The following PCDHA9 variants were observed in gnomAD, a reference collection of about 807,000 sequenced individuals.
PCDHA9 encodes the protein protocadherin alpha-9.
A neutral mutation model predicts 62.0 loss-of-function variants in PCDHA9; 62 were observed. The ratio of observed to expected loss-of-function variants is 1.00; its 90% CI spans 0.81 to 1.23. The LOEUF (loss-of-function observed/expected upper bound fraction) is 1.23, where lower values mean the gene tolerates loss of function less well. Among genes scored for constraint, PCDHA9 ranks in the 50% most tolerant of loss-of-function variants. The pLI is 0.00. For missense variants in PCDHA9, 1,205 were observed against 1,249.8 expected (o/e 0.96, Z 0.54); for synonymous variants, 557 against 567.6 (o/e 0.98, Z 0.27).
intron 1 of PCDHA9, chr5:140,928,543 A>G: frequency 6.2e-7 from 1 of 1,614,204 alleles, no homozygotes; most frequent in Non-Finnish European, 8.5e-7. Context: ...TAGGAATGAC[A>G]ATTATCCGGT....
At position 140,852,434 on chromosome 5, in the gene PCDHA9, C is replaced by T. The variant is rs2150516775; in HGVS notation, c.2394+1545C>T. On this transcript the variant is annotated intron_variant, in intron 1 of 3. Transcript: ENST00000532602. ...CTGGGATTATAGGCACATGCCACCG[C>T]GCCCAGCTAATTTTTGTATTTTTAG... 6.7e-4 allele frequency: 121 copies of T among 181,038 alleles called. 6 individuals carry two copies. The highest frequency in any genetic ancestry group is 3.4e-4 in the Admixed American group (5 of 14,894). The allele number at this position is 181,038 out of a possible 1,614,324, so 11.2% of individuals were successfully genotyped here. A position where few individuals can be genotyped will look rare whatever the true frequency, so the allele number is the denominator to read the frequency against.
chr5:140,849,211 C>A lies in PCDHA9; in HGVS notation c.716C>A (p.Ala239Asp). ...LITVLDNNDNAPVFDRTLYTV... is the reference protein window; with the variant it reads ...LITVLDNNDNDPVFDRTLYTV... ...ACGGTACTGGACAACAATGACAATG[C>A]CCCAGTGTTCGACAGAACCCTGTAT... is the stretch of plus-strand genomic sequence containing the variant. Residue 239 changes from alanine (A) to aspartate (D), a missense_variant, in exon 1 of 4, where the codon GCC (alanine) becomes GAC (aspartate). Around this residue, in one of 3 missense-constraint regions of PCDHA9, gnomAD observed 110 missense variants for 227.2 expected, o/e 0.48. Coordinates refer to ENST00000532602, the MANE Select transcript of PCDHA9 (RefSeq NM_031857.2). 1 of 1,031,972 alleles carries A rather than the reference C, an allele frequency of 9.7e-7. No individual in the cohort carries two copies. Among genetic ancestry groups the A allele is most frequent in the East Asian group, 2.6e-5 (1 of 38,420 alleles). The allele number at this position is 1,031,972 out of a possible 1,614,324, so 63.9% of individuals were successfully genotyped here.
chr5:140,985,792 T>G (rs1043772430), intron 3 of PCDHA9, among the ~76,000 whole-genome samples: 1 of 142,326 alleles, frequency 7.0e-6, no homozygotes. Flanking sequence ...CAGGCTGGAG[T>G]GCAGTGGCAC....
At chr5:140,851,713 T>C in intron 1 of PCDHA9, 1 of 961,328 alleles carries the variant, frequency 1.0e-6, no homozygotes, top group Non-Finnish European at 1.3e-6. Context: ...ATGTGAAGAT[T>C]CGAAACTTCG....
rs377069661 is a variant in PCDHA9 at position 140,915,905 on chromosome 5, G to A, written c.2395-63044G>A. ...AGCAAGTTCCCCCTGGCCCTGGGCA[G>A]GCCCAGAGATGCTACTTGGGAGTCA... On this transcript the variant is annotated intron_variant, in intron 1 of 3. Transcript: ENST00000532602. Among the ~76,000 whole-genome samples, 6 of 152,266 alleles carry A rather than the reference G, an allele frequency of 3.9e-5. No individual in the cohort carries two copies. In the East Asian group the frequency reaches 1.2e-3, roughly 29 times the overall value.
intron 3 of PCDHA9, among the ~76,000 whole-genome samples, chr5:140,997,092 A>C (rs2097758868): frequency 6.6e-6 from 1 of 152,160 alleles, no homozygotes; most frequent in South Asian, 2.1e-4. Flanking sequence ...GAAAGTGCAG[A>C]GTTCTCATGC....
chr5:140,855,098 A>G (rs1204884452), intron 1 of PCDHA9, among the ~76,000 whole-genome samples: 1 of 149,990 alleles, frequency 6.7e-6, no homozygotes, highest in African/African-American at 2.4e-5. Flanking sequence ...CCTGTGCAGT[A>G]GCAATAATTA....
At chr5:140,855,964 T>C in intron 1 of PCDHA9, 3 of 1,408,442 alleles carry the variant, frequency 2.1e-6, no homozygotes, top group Admixed American at 2.3e-5. Context: ...AAAAAATAGA[T>C]ATAAGAAATA....
intron 1 of PCDHA9, chr5:140,870,393 T>C (rs1554164195): frequency 1.5e-5 from 24 of 1,613,936 alleles, no homozygotes; most frequent in Non-Finnish European, 1.8e-5. Flanking sequence ...GGGATGGGGG[T>C]TCGCCTTCTC....
At chr5:140,875,241 A>G (rs1176870557) in intron 1 of PCDHA9, 27 of 935,126 alleles carry the variant, frequency 2.9e-5, no homozygotes, top group Non-Finnish European at 3.8e-5. Context: ...TTGTACTTAC[A>G]TAATCAGTCA....
intron 1 of PCDHA9, chr5:140,875,402 C>A: frequency 6.7e-7 from 1 of 1,488,874 alleles, no homozygotes; most frequent in Admixed American, 2.6e-5. Flanking sequence ...AGGGTGACTG[C>A]TCATAAAATA....
chr5:140,884,699 C>A, intron 1 of PCDHA9: 3 of 1,500,334 alleles, frequency 2.0e-6, no homozygotes, highest in Non-Finnish European at 2.7e-6. Context: ...TTAGTAAACA[C>A]TTTAGCCTTC....
At chr5:141,005,562 C>T (rs928721111) in intron 3 of PCDHA9, among the ~76,000 whole-genome samples, 2 of 151,226 alleles carry the variant, frequency 1.3e-5, no homozygotes, top group Admixed American at 6.6e-5. Flanking sequence ...ATTAGCCGGG[C>T]ATGGTGGCGC....
In PCDHA9 at chr5:140,927,579, C is replaced by T. The variant is rs369243383; in HGVS notation, c.2395-51370C>T. The T allele has an allele frequency of 3.2e-4, 517 of 1,614,178 alleles. 2 individuals are homozygous for T. Among genetic ancestry groups the T allele is most frequent in the Non-Finnish European group, 4.1e-4 (483 of 1,180,030 alleles). On this transcript the variant is annotated intron_variant, in intron 1 of 3. Coordinates refer to ENST00000532602, the MANE Select transcript of PCDHA9 (RefSeq NM_031857.2). ...TCATTGTGGTGGACACAAATGACAA[C>T]GCGCCTGTATTTGAGCGCTCCGTAT...
At chr5:140,986,371 G>C (rs1453761888) in intron 3 of PCDHA9, among the ~76,000 whole-genome samples, 1 of 152,116 alleles carries the variant, frequency 6.6e-6, no homozygotes, top group Non-Finnish European at 1.5e-5. Flanking sequence ...AATGCGTTTT[G>C]GGGGGAGGGA....
chr5:140,968,257 T>C (rs781932747), intron 1 of PCDHA9: 2 of 1,613,946 alleles, frequency 1.2e-6, no homozygotes, highest in East Asian at 2.2e-5. Context: ...CAGACCCAGA[T>C]GAAAAGGAGA....
chr5:140,876,554 A>G (rs2056417075), intron 1 of PCDHA9: 1 of 1,614,052 alleles, frequency 6.2e-7, no homozygotes, highest in South Asian at 1.1e-5. Flanking sequence ...CCTGTGCAAG[A>G]GGATGCTCAG....
rs142570778 is a variant in PCDHA9 at position 141,009,810 on chromosome 5, A to G, written c.2726A>G (p.Asp909Gly). ...CAGGAGCCTACTAACAGCCAAATTG[A>G]CAAAAGTGACTTCATAACCTTCGGC... ...IRQEPTNSQI[D>G]KSDFITFGKK... The change falls in exon 4 of 4, where the codon GAC (aspartate) becomes GGC (glycine). Residue 909 changes from aspartate to glycine, a missense_variant. Asp to Gly is a moderately conservative substitution (Grantham distance 94). Transcript: ENST00000532602. 8 of 1,614,016 alleles carry G rather than the reference A, an allele frequency of 5.0e-6. No individual in the cohort carries two copies. Among genetic ancestry groups the G allele is most frequent in the Admixed American group, 3.3e-5 (2 of 60,000 alleles).
At position 140,850,414 on chromosome 5, in the gene PCDHA9, C is replaced by T. The variant is rs2150483197; in HGVS notation, c.1919C>T (p.Thr640Met). The T allele has an allele frequency of 3.9e-5, 62 of 1,597,814 alleles. 5 individuals are homozygous for T. Among genetic ancestry groups the T allele is most frequent in the African/African-American group, 6.7e-5 (5 of 74,310 alleles). The part of the protein sequence containing the change: ...EISTTRALDE[T>M]DAPRQRLLVL... ...AGCACAACGCGTGCCCTGGACGAAA[C>T]GGACGCACCGCGCCAGCGCCTACTG... The change falls in exon 1 of 4, where the codon ACG becomes ATG. Residue 640 changes from threonine (T) to methionine (M), a missense_variant. Thr to Met is a moderately conservative substitution (Grantham distance 81). This residue lies in a region of PCDHA9 where 887 missense variants were observed against 809.5 expected (regional missense o/e 1.10). Coordinates refer to ENST00000532602, the MANE Select transcript of PCDHA9 (RefSeq NM_031857.2).
Sources: gnomAD v4.1 joint callset for allele counts (sites outside exome capture counted in the v4.1 genomes callset) on GRCh38, gnomAD v4.1.1 for gene constraint, gnomAD v4.1.1 regional missense constraint, MANE v1.5 for transcripts, NCBI Gene and HGNC (gene_info 2026-07-23, HGNC 2026-07-21) for gene names.